The following DMD variants were observed in gnomAD, a reference collection of about 807,000 sequenced individuals.
The protein encoded by DMD is dystrophin, also known as mutant dystrophin.
In DMD, 63 loss-of-function variants were observed where a neutral mutation model predicts 330.1. The ratio of observed to expected loss-of-function variants is 0.19; its 90% confidence interval spans 0.16 to 0.24. The LOEUF (loss-of-function observed/expected upper bound fraction) is 0.24, where lower values mean the gene tolerates loss of function less well. DMD is among the 10% of genes least tolerant of loss of function. DMD has a pLI of 1.00. For synonymous variants in DMD, 1,223 were observed against 959.8 expected (o/e 1.27, Z -5.07); for missense variants, 3,344 against 2,684.1 (o/e 1.25, Z -5.43).
intron 52 of DMD, among the ~76,000 whole-genome samples, chrX:31,703,417 C>T (rs1279316142): frequency 8.9e-6 from 1 of 111,946 alleles, no homozygotes; most frequent in Non-Finnish European, 1.9e-5. Flanking sequence ...TTCTCTCTGC[C>T]TACAATGCTC....
At chrX:32,348,572 A>G (rs2097771730) in intron 37 of DMD, 44 bp from the exon 38 acceptor site, 2 of 1,100,758 alleles carry the variant, frequency 1.8e-6, no homozygotes, top group South Asian at 3.9e-5. Flanking sequence ...ATTACTTTTT[A>G]TTAGAAACAT....
At chrX:31,367,181 T>C (rs1405235914) in intron 60 of DMD, among the ~76,000 whole-genome samples, 3 of 111,562 alleles carry the variant, frequency 2.7e-5, no homozygotes, top group Non-Finnish European at 5.6e-5. Context: ...ACCTGGCAGC[T>C]ATAAAATAAC....
intron 15 of DMD, among the ~76,000 whole-genome samples, chrX:32,572,869 C>A (rs2052586310): frequency 9.0e-6 from 1 of 110,716 alleles, no homozygotes; most frequent in Non-Finnish European, 1.9e-5. Flanking sequence ...TGAGTCAGTT[C>A]CCATTCAGTT....
intron 62 of DMD, among the ~76,000 whole-genome samples, chrX:31,289,197 T>C (rs2053467390): frequency 1.0e-5 from 1 of 99,325 alleles, no homozygotes; most frequent in Non-Finnish European, 2.0e-5. Flanking sequence ...GAGAATCACT[T>C]GAACCCAGCA....
chrX:31,162,159 C>T (rs1364281352), intron 74 of DMD, among the ~76,000 whole-genome samples: 2 of 109,371 alleles, frequency 1.8e-5, no homozygotes, highest in Non-Finnish European at 3.8e-5. Flanking sequence ...GGGTAAGAAC[C>T]AAGGCTTATT....
In DMD at chrX:32,362,837, T is replaced by C; in HGVS notation, c.5276A>G (p.Glu1759Gly). Residue 1759 changes from glutamate to glycine, a missense_variant, in exon 37 of 79, where the codon GAG (glutamate) becomes GGG (glycine). Transcript: ENST00000357033. ...CRKLVEPQIS[E>G]LNHRFAAISH... Reference sequence around the variant, plus strand: ...AATGGCTGCAAATCGATGGTTGAGCTCTGAGATTTGGGGCTCTACTAATTT... The same window carrying C: ...AATGGCTGCAAATCGATGGTTGAGCCCTGAGATTTGGGGCTCTACTAATTT... 1 of 1,211,211 alleles carries C rather than the reference T, an allele frequency of 8.3e-7. No individual in the cohort carries two copies. The highest frequency in any genetic ancestry group is 1.1e-6 in the Non-Finnish European group (1 of 895,392).
intron 41 of DMD, among the ~76,000 whole-genome samples, chrX:32,325,451 G>A (rs889082971): frequency 1.8e-5 from 2 of 111,497 alleles, no homozygotes; most frequent in Non-Finnish European, 3.8e-5. Flanking sequence ...TGACTTTATT[G>A]TTCATAATAG....
intron 60 of DMD, among the ~76,000 whole-genome samples, chrX:31,370,355 T>C (rs1388880228): frequency 2.7e-5 from 3 of 111,671 alleles, no homozygotes; most frequent in Non-Finnish European, 5.6e-5. Context: ...AAAAAAACTT[T>C]TGAATTAGAA....
At chrX:33,155,177 A>C (rs149445103) in intron 1 of DMD, among the ~76,000 whole-genome samples, 3,573 of 111,883 alleles carry the variant, frequency 0.032, 149 homozygotes, top group African/African-American at 0.11. Flanking sequence ...CTTCTCTGAA[A>C]AATGAATGCC....
chrX:32,715,005 C>G (rs954594276), intron 7 of DMD, among the ~76,000 whole-genome samples: 1 of 111,308 alleles, frequency 9.0e-6, no homozygotes, highest in Admixed American at 9.6e-5. Flanking sequence ...ATACAACACA[C>G]TATTAACTAT....
At chrX:32,590,566 C>G (rs2054795096) in intron 13 of DMD, among the ~76,000 whole-genome samples, 1 of 111,614 alleles carries the variant, frequency 9.0e-6, no homozygotes, top group African/African-American at 3.3e-5. Flanking sequence ...GCCAGGAGAA[C>G]AGGGATAAAG....
At chrX:32,406,110 G>A (rs1215450523) in intron 30 of DMD, among the ~76,000 whole-genome samples, 3 of 111,868 alleles carry the variant, frequency 2.7e-5, no homozygotes, top group Non-Finnish European at 5.6e-5. Context: ...TTTGCATGCT[G>A]AGACTTTGCT....
intron 13 of DMD, among the ~76,000 whole-genome samples, chrX:32,593,612 G>A (rs1283026054): frequency 9.0e-6 from 1 of 110,666 alleles, no homozygotes; most frequent in Non-Finnish European, 1.9e-5. Context: ...GGTAGATAGT[G>A]ACAAATTCTT....
chrX:31,210,069 TAA>T (rs2044497363), intron 64 of DMD, among the ~76,000 whole-genome samples: 1 of 111,970 alleles, frequency 8.9e-6, no homozygotes, highest in African/African-American at 3.2e-5. Flanking sequence ...CAGAAATTTT[TAA>T]AGAGATCCGA....
intron 57 of DMD, among the ~76,000 whole-genome samples, chrX:31,487,894 T>TG (rs201581978): frequency 1.8e-5 from 2 of 111,974 alleles, no homozygotes; most frequent in African/African-American, 6.5e-5. Flanking sequence ...CCTGAAATTA[T>TG]GTTTTTTTTT....
At chrX:31,909,518 G>GA (rs775462001) in intron 47 of DMD, among the ~76,000 whole-genome samples, 1,919 of 55,939 alleles carry the variant, frequency 0.034, 26 homozygotes, top group East Asian at 0.05. Flanking sequence ...AGAGAAATGT[G>GA]AAAAAAAAAA....
intron 52 of DMD, among the ~76,000 whole-genome samples, chrX:31,724,623 C>G (rs2085866029): frequency 9.0e-6 from 1 of 111,698 alleles, no homozygotes; most frequent in Admixed American, 9.5e-5. Context: ...AAGTCCTTCC[C>G]TTGGTTTAGC....
intron 47 of DMD, among the ~76,000 whole-genome samples, chrX:31,917,511 G>A (rs1353965779): frequency 1.8e-5 from 2 of 111,913 alleles, no homozygotes; most frequent in African/African-American, 3.3e-5. Flanking sequence ...GAGTGACAGT[G>A]TTTGCAGTGG....
At chrX:32,628,979 T>C (rs1474060040) in intron 11 of DMD, among the ~76,000 whole-genome samples, 1 of 112,152 alleles carries the variant, frequency 8.9e-6, no homozygotes, top group East Asian at 2.8e-4. Context: ...AAGAAGAATA[T>C]GTACTCTGCA....
Sources: allele counts gnomAD v4.1 joint callset (sites outside exome capture counted in the v4.1 genomes callset), GRCh38; gene constraint gnomAD v4.1.1; transcripts MANE v1.5; gene names NCBI Gene and HGNC (gene_info 2026-07-23, HGNC 2026-07-21).